MARCHF8: variants seen among roughly 807,000 people sequenced by gnomAD.
MARCHF8 encodes membrane associated ring-CH-type finger 8.
Under a neutral mutation model 51.6 loss-of-function variants are expected in MARCHF8, and 40 were observed. That is an observed-to-expected ratio of 0.77 (90% CI 0.60 to 1.01). The LOEUF is 1.01. Ranked by LOEUF, MARCHF8 falls within the 50% of genes least tolerant of loss-of-function variation. MARCHF8 has a pLI of 0.00. For missense variants in MARCHF8, 685 were observed against 708.6 expected (o/e 0.97, Z 0.38); for synonymous variants, 263 against 280.3 (o/e 0.94, Z 0.62).
At chr10:45,574,172 C>CT (rs1327561316) in intron 1 of MARCHF8, among the ~76,000 whole-genome samples, 4 of 152,092 alleles carry the variant, frequency 2.6e-5, no homozygotes, top group Admixed American at 2.0e-4. Context: ...CCTAGTCACC[C>CT]TTACCCCACT....
At chr10:45,566,638 C>T (rs1482794194) in intron 1 of MARCHF8, among the ~76,000 whole-genome samples, 1 of 152,178 alleles carries the variant, frequency 6.6e-6, no homozygotes, top group Non-Finnish European at 1.5e-5. Flanking sequence ...AAGTACTCCA[C>T]TGTGTATCAC....
chr10:45,546,498 C>T (rs937061569), intron 1 of MARCHF8, among the ~76,000 whole-genome samples: 1 of 152,012 alleles, frequency 6.6e-6, no homozygotes, highest in Non-Finnish European at 1.5e-5. Flanking sequence ...AAGAATAAAG[C>T]AGGCCAGGAG....
At position 45,548,443 on chromosome 10, in the gene MARCHF8, C is replaced by A. The variant is rs576422062; in HGVS notation, c.-78-15154G>T. ...CTCAGTACAACCACCGGGGCAGGTACGTGAATTAGGTAAACCAGGTGCAAT... is the reference window on the plus strand; with the variant it reads ...CTCAGTACAACCACCGGGGCAGGTAAGTGAATTAGGTAAACCAGGTGCAAT... On this transcript the variant is annotated intron_variant, in intron 1 of 6. Coordinates refer to the MARCHF8 transcript ENST00000319836. Among the ~76,000 whole-genome samples, 10 of 152,194 alleles carry A rather than the reference C, an allele frequency of 6.6e-5. No individual in the cohort carries two copies. In the South Asian group the frequency reaches 1.5e-3, roughly 22 times the overall value.
chr10:45,506,568 T>G (rs750478796), intron 2 of MARCHF8, among the ~76,000 whole-genome samples: 1 of 152,242 alleles, frequency 6.6e-6, no homozygotes, highest in African/African-American at 2.4e-5. Flanking sequence ...CGAACTGGTA[T>G]CAATTTGAAT....
At chr10:45,537,305 T>C (rs944083840), upstream of MARCHF8, among the ~76,000 whole-genome samples, 1 of 151,730 alleles carries the variant, frequency 6.6e-6, no homozygotes, top group African/African-American at 2.4e-5. Flanking sequence ...TATTCAGCAA[T>C]AAAAAGAAAT....
At chr10:45,560,679 C>T (rs56005617) in intron 1 of MARCHF8, among the ~76,000 whole-genome samples, 46,938 of 152,034 alleles carry the variant, frequency 0.31, 7,450 homozygotes, top group Admixed American at 0.36. Flanking sequence ...CATTTTTTCT[C>T]CTGTCGTTCA....
chr10:45,578,881 G>C (rs71496620), intron 1 of MARCHF8, among the ~76,000 whole-genome samples: 9,388 of 152,220 alleles, frequency 0.062, 328 homozygotes, highest in Non-Finnish European at 0.066. Context: ...TCTTCCAAAA[G>C]ATCAATGTCA....
rs79233662 is a variant in MARCHF8 at position 45,473,205 on chromosome 10, A to G, written c.154-8878T>C. Among the ~76,000 whole-genome samples the G allele has an allele frequency of 3.8e-3, 576 of 152,332 alleles. 12 individuals are homozygous for G. The East Asian group carries it at 0.053, about 14-fold the overall frequency. On this transcript the variant is annotated intron_variant, in intron 3 of 7. Transcript: ENST00000453424. Reference sequence around the variant, plus strand: ...CAACAATAACCGGAAAATATTCAGGAGGCCTAGGAGGGTTAGTGCTCAAAT... The same window carrying G: ...CAACAATAACCGGAAAATATTCAGGGGGCCTAGGAGGGTTAGTGCTCAAAT...
chr10:45,539,189 G>A (rs2133300349), upstream of MARCHF8, among the ~76,000 whole-genome samples: 1 of 152,286 alleles, frequency 6.6e-6, no homozygotes, highest in East Asian at 1.9e-4. Context: ...CAACTACATG[G>A]AAACTGAACA....
At chr10:45,580,791 G>C (rs1183665662) in intron 1 of MARCHF8, among the ~76,000 whole-genome samples, 2 of 152,060 alleles carry the variant, frequency 1.3e-5, no homozygotes. Context: ...TTGTGCGCTA[G>C]GACCACCGGT....
In MARCHF8 at chr10:45,464,246, T is replaced by C. The variant is rs927863076; in HGVS notation, c.235A>G (p.Ile79Val). 1.2e-6 allele frequency: 2 copies of C among 1,614,100 alleles called. No homozygotes were observed. The highest frequency in any genetic ancestry group is 2.7e-5 in the African/African-American group (2 of 75,046). ...RTSITPSSQDICSSSAVFSEC... is the reference protein window; with the variant it reads ...RTSITPSSQDVCSSSAVFSEC... ...TCTGAAGCAGAGTGTTACCTGCAGA[T>C]GTCCTGGCTGGATGGCGTGATAGAA... Residue 79 changes from isoleucine (I) to valine (V), a missense_variant, in exon 4 of 8, where the codon ATC (isoleucine) becomes GTC (valine). Coordinates refer to ENST00000453424, the MANE Select transcript of MARCHF8 (RefSeq NM_001282866.2).
In MARCHF8 at chr10:45,455,874, A is replaced by G. The variant is rs1842588205; in HGVS notation, c.*2365T>C. On this transcript the variant is annotated 3_prime_UTR_variant, in exon 8 of 8. Transcript: ENST00000453424. The stretch of plus-strand genomic sequence containing the variant: ...CAGAAAAGAAGGGAGAGGGCTTCCC[A>G]TGAGAATCTGGCTGGGCATGGGAGG... The G allele has an allele frequency of 6.6e-6, 1 of 152,514 alleles. No individual in the cohort carries two copies. Among genetic ancestry groups the G allele is most frequent in the Admixed American group, 6.5e-5 (1 of 15,304 alleles). 9.4% of individuals were successfully genotyped at this position (152,514 alleles called of 1,614,324 possible). A position where few individuals can be genotyped will look rare whatever the true frequency, so the allele number is the denominator to read the frequency against.
At chr10:45,462,368 C>A (rs975706143) in intron 5 of MARCHF8, among the ~76,000 whole-genome samples, 12 of 152,058 alleles carry the variant, frequency 7.9e-5, no homozygotes, top group Non-Finnish European at 1.6e-4. Flanking sequence ...GGTGGCTACA[C>A]CTCAGTTAAA....
intron 1 of MARCHF8, among the ~76,000 whole-genome samples, chr10:45,541,694 T>C (rs1449330405): frequency 3.3e-5 from 5 of 151,400 alleles, no homozygotes; most frequent in African/African-American, 1.2e-4. Context: ...ACACGGACAA[T>C]GGTATAAACA....
intron 1 of MARCHF8, among the ~76,000 whole-genome samples, chr10:45,592,643 A>T (rs2044694026): frequency 6.6e-6 from 1 of 152,220 alleles, no homozygotes; most frequent in Non-Finnish European, 1.5e-5. Context: ...AAAAGAAACA[A>T]ACCACAAGTG....
chr10:45,591,858 CCT>C (rs1302663202), intron 1 of MARCHF8, among the ~76,000 whole-genome samples: 2 of 152,182 alleles, frequency 1.3e-5, no homozygotes, highest in African/African-American at 4.8e-5. Context: ...GTTCTGTCCA[CCT>C]CTGTCTTCCT....
chr10:45,545,158 T>C (rs2044104471), intron 1 of MARCHF8, among the ~76,000 whole-genome samples: 2 of 152,204 alleles, frequency 1.3e-5, no homozygotes, highest in Admixed American at 6.5e-5. Context: ...GAATGTTACA[T>C]TTATTGAGTT....
intron 2 of MARCHF8, among the ~76,000 whole-genome samples, chr10:45,523,651 T>C (rs148905520): frequency 8.8e-4 from 134 of 152,348 alleles, no homozygotes; most frequent in African/African-American, 3.0e-3. Context: ...ACAGGACAGC[T>C]ATAAGAGAGT....
intron 2 of MARCHF8, among the ~76,000 whole-genome samples, chr10:45,516,238 T>C (rs2043615815): frequency 6.6e-6 from 1 of 152,216 alleles, no homozygotes; most frequent in South Asian, 2.1e-4. Flanking sequence ...TTGATCACTA[T>C]GCTTCTTGTC....
Sources: allele counts gnomAD v4.1 joint callset (sites outside exome capture counted in the v4.1 genomes callset), GRCh38; gene constraint gnomAD v4.1.1; transcripts MANE v1.5; gene names NCBI Gene and HGNC (gene_info 2026-07-23, HGNC 2026-07-21).